Variants in TRIML1 observed in about 807,000 individuals in gnomAD.
The protein encoded by TRIML1 is probable E3 ubiquitin-protein ligase TRIML1.
TRIML1 carries 34 observed loss-of-function variants against 32.3 expected under a neutral mutation model. The observed-to-expected ratio is 1.05, with a 90% CI of 0.80 to 1.40. TRIML1 has a LOEUF of 1.40. Ranked by LOEUF, TRIML1 falls within the 40% of genes most tolerant of loss-of-function variation. TRIML1 has a pLI of 0.00. For missense variants in TRIML1, 595 were observed against 574.9 expected (o/e 1.03, Z -0.36); for synonymous variants, 244 against 226.6 (o/e 1.08, Z -0.69).
At chr4:188,141,445 T>C (rs1408952040) in intron 2 of TRIML1, among the ~76,000 whole-genome samples, 1 of 152,066 alleles carries the variant, frequency 6.6e-6, no homozygotes, top group East Asian at 1.9e-4. Flanking sequence ...GGATTACAGG[T>C]GTGAGCCACC....
rs1166785163 is a variant in TRIML1 at position 188,142,425 on chromosome 4, C to T, written c.678C>T (p.Ser226=). The T allele has an allele frequency of 1.9e-6, 3 of 1,613,710 alleles. No homozygotes were observed. In the South Asian group the frequency reaches 3.3e-5, roughly 18 times the overall value. The change falls in exon 3 of 6, where the codon AGC becomes AGT. Residue 226 remains serine, a synonymous_variant. Coordinates refer to ENST00000332517, the MANE Select transcript of TRIML1 (RefSeq NM_178556.5). ...TGACCCAGCAAATCAGAAGCCTAAGCAAAATGATCGCACAGATTGAGTCCT... is the reference window on the plus strand; with the variant it reads ...TGACCCAGCAAATCAGAAGCCTAAGTAAAATGATCGCACAGATTGAGTCCT... ...IKLTQQIRSL[S]KMIAQIESSS... is the part of the protein sequence containing the mutation.
downstream of TRIML1, among the ~76,000 whole-genome samples, chr4:188,150,415 C>A (rs1390124932): frequency 1.3e-5 from 2 of 152,188 alleles, no homozygotes; most frequent in African/African-American, 4.8e-5. Context: ...AGGCGTGAGC[C>A]ACCGCACCTG....
chr4:188,150,727 T>C (rs977653328), downstream of TRIML1, among the ~76,000 whole-genome samples: 8 of 151,672 alleles, frequency 5.3e-5, no homozygotes, highest in Non-Finnish European at 1.2e-4. Context: ...CCAGTGGCTC[T>C]TTGCTGCACC....
downstream of TRIML1, among the ~76,000 whole-genome samples, chr4:188,148,216 G>A (rs555850222): frequency 3.3e-5 from 5 of 152,254 alleles, no homozygotes; most frequent in East Asian, 1.9e-4. Flanking sequence ...AGGGTTGGCC[G>A]GATGCGGTGG....
chr4:188,150,722 G>A (rs1265601236), downstream of TRIML1, among the ~76,000 whole-genome samples: 1 of 151,522 alleles, frequency 6.6e-6, no homozygotes, highest in Non-Finnish European at 1.5e-5. Context: ...CATCCCCAGT[G>A]GCTCTTTGCT....
At chr4:188,142,590 T>C (rs1734904597) in intron 3 of TRIML1, 108 bp downstream of exon 3, 4 of 865,318 alleles carry the variant, frequency 4.6e-6, no homozygotes, top group South Asian at 1.8e-5. Context: ...TAAGTTCTGG[T>C]CCAAAAGTAG....
Position 188,144,705 on chromosome 4 carries a change from T to TC in TRIML1, c.856+579dup, listed in dbSNP as rs199960922. Among the ~76,000 whole-genome samples the TC allele has an allele frequency of 7.2e-3, 1,093 of 151,648 alleles. 9 individuals are homozygous for TC. The highest frequency in any genetic ancestry group is 0.017 in the African/African-American group (715 of 41,374). On this transcript the variant is annotated intron_variant, in intron 5 of 5. Transcript: ENST00000332517. ...GTTGGTTTTGTCATTGTCTTTTCCA[T>TC]CCCCCCCTTGCACGTGCAGACACGC...
Position 188,140,207 on chromosome 4 carries a change from G to A in TRIML1, c.408+241G>A, listed in dbSNP as rs185921551. 6.0e-5 allele frequency among the ~76,000 whole-genome samples: 9 copies of A among 150,498 alleles called. No individual in the cohort carries two copies. The South Asian group carries it at 1.7e-3, about 28-fold the overall frequency. ...TGCGATCTCAGTCACTGCAACCTCC[G>A]CCTCCCAGGTTCACGCCATTCTCCT... On this transcript the variant is annotated intron_variant, in intron 1 of 5. Transcript: ENST00000332517.
At chr4:188,146,743 G>T in intron 5 of TRIML1, 79 bp from the exon 6 acceptor site, 2 of 1,150,308 alleles carry the variant, frequency 1.7e-6, no homozygotes, top group Non-Finnish European at 2.3e-6. Flanking sequence ...TAAATACTAA[G>T]AATTCAATGG....
rs765219761 is a variant in TRIML1 at position 188,147,318 on chromosome 4, T to C, written c.1353T>C (p.Asn451=). 1.3e-6 allele frequency: 2 copies of C among 1,534,582 alleles called. No individual in the cohort carries two copies. Among genetic ancestry groups the C allele is most frequent in the Admixed American group, 2.1e-5 (1 of 48,106 alleles). ...LRPIFSPCLP[N]EGTNTDPLTI... ...CTATCTTTTCCCCCTGCCTCCCAAA[T>C]GAGGGGACAAACACAGACCCTCTCA... The change falls in exon 6 of 6, where the codon AAT becomes AAC. Residue 451 remains asparagine, a synonymous_variant. Coordinates refer to ENST00000332517, the MANE Select transcript of TRIML1 (RefSeq NM_178556.5).
chr4:188,137,295 C>CTT (rs67050879), upstream of TRIML1, among the ~76,000 whole-genome samples: 1,541 of 58,766 alleles, frequency 0.026, 63 homozygotes, highest in African/African-American at 0.067. Flanking sequence ...TTATTGTAGT[C>CTT]TTTTTTTTTT....
chr4:188,139,325 T>C (rs1411972385), upstream of TRIML1: 1 of 406,008 alleles, frequency 2.5e-6, no homozygotes, highest in Non-Finnish European at 4.4e-6. Context: ...GTCTCAAAGT[T>C]TGGGGTTGGT....
At chr4:188,142,533 T>C (rs1255284839) in intron 3 of TRIML1, 51 bp downstream of exon 3, 1 of 1,353,178 alleles carries the variant, frequency 7.4e-7, no homozygotes, top group Admixed American at 1.9e-5. Context: ...TAACTCATAG[T>C]ACTTCAAGCC....
intron 5 of TRIML1, among the ~76,000 whole-genome samples, chr4:188,145,684 C>T (rs1309043231): frequency 1.3e-5 from 2 of 151,180 alleles, no homozygotes; most frequent in East Asian, 2.0e-4. Flanking sequence ...ACTAGCCGGG[C>T]GTGGTGGTGG....
chr4:188,138,408 T>C (rs12645285), upstream of TRIML1, among the ~76,000 whole-genome samples: 19,134 of 151,958 alleles, frequency 0.13, 1,486 homozygotes, highest in South Asian at 0.3. Context: ...GACAGAAATA[T>C]GGCGTGATGA....
chr4:188,145,503 T>C (rs1210101330), intron 5 of TRIML1, among the ~76,000 whole-genome samples: 1 of 140,316 alleles, frequency 7.1e-6, no homozygotes, highest in Non-Finnish European at 1.5e-5. Context: ...CTGGGGTACC[T>C]GATCTTGTCT....
Position 188,147,514 on chromosome 4 carries a change from T to G in TRIML1, c.*142T>G, listed in dbSNP as rs545244698. 1.7e-6 allele frequency: 1 copy of G among 593,846 alleles called. No homozygotes were observed. The highest frequency in any genetic ancestry group is 1.9e-5 in the African/African-American group (1 of 52,964). 36.8% of individuals were successfully genotyped at this position (593,846 alleles called of 1,614,324 possible). On this transcript the variant is annotated 3_prime_UTR_variant, in exon 6 of 6. Coordinates refer to ENST00000332517, the MANE Select transcript of TRIML1 (RefSeq NM_178556.5). ...CCACCCCACCCCCAAGAGTTTCCAT[T>G]AACTTGATCCCATTATGAACAGCCA...
rs759499967 is a variant in TRIML1 at position 188,139,731 on chromosome 4, G to A, written c.173G>A (p.Arg58Lys). 5 of 1,613,904 alleles carry A rather than the reference G, an allele frequency of 3.1e-6. No homozygotes were observed. In the African/African-American group the frequency reaches 5.3e-5, roughly 17 times the overall value. Residue 58 changes from arginine (R) to lysine (K), a missense_variant, in exon 1 of 6, where the codon AGG becomes AAG. Transcript: ENST00000332517. ...NTPLSCPECW[R>K]TLEGPHFQSN... is the part of the protein sequence containing the mutation. Reference sequence around the variant, plus strand: ...CCTTTATCTTGTCCTGAGTGCTGGAGGACCTTGGAGGGCCCGCATTTCCAG... The same window carrying A: ...CCTTTATCTTGTCCTGAGTGCTGGAAGACCTTGGAGGGCCCGCATTTCCAG...
downstream of TRIML1, among the ~76,000 whole-genome samples, chr4:188,148,902 T>C (rs1204951959): frequency 3.0e-5 from 1 of 33,692 alleles, no homozygotes; most frequent in African/African-American, 1.7e-4. Context: ...GTGCCCAGGC[T>C]TTTTTTTTTT....
Sources: allele counts gnomAD v4.1 joint callset (sites outside exome capture counted in the v4.1 genomes callset), GRCh38; gene constraint gnomAD v4.1.1; transcripts MANE v1.5; gene names NCBI Gene and HGNC (gene_info 2026-07-23, HGNC 2026-07-21).